The following SNTG2 variants were observed in gnomAD, a reference collection of about 807,000 sequenced individuals.
The protein encoded by SNTG2 is syntrophin gamma 2.
SNTG2 carries 74 observed loss-of-function variants against 70.9 expected under a neutral mutation model. That is an observed-to-expected ratio of 1.04 (90% CI 0.86 to 1.27). The LOEUF (loss-of-function observed/expected upper bound fraction) is 1.27, where lower values mean the gene tolerates loss of function less well. Among genes scored for constraint, SNTG2 ranks in the 50% most tolerant of loss-of-function variants. SNTG2 has a pLI of 0.00. For synonymous variants in SNTG2, 278 were observed against 273.8 expected, an observed-to-expected ratio of 1.02 and a Z score of -0.15; for missense variants, 717 against 690.7, an observed-to-expected ratio of 1.04 and a Z score of -0.43.
intron 4 of SNTG2, among the ~76,000 whole-genome samples, chr2:1,134,803 G>C (rs1364307147): frequency 6.6e-6 from 1 of 152,140 alleles, no homozygotes; most frequent in African/African-American, 2.4e-5. Flanking sequence ...GGCTCCAGCC[G>C]CACAGGAGCC....
chr2:1,139,826 C>CAA (rs139384127), intron 6 of SNTG2, among the ~76,000 whole-genome samples: 4 of 101,028 alleles, frequency 4.0e-5, no homozygotes, highest in African/African-American at 1.2e-4. Flanking sequence ...GACTCCATCT[C>CAA]AAAAAAAAAA....
chr2:1,164,561 AGGTGGGATATG>A (rs1670577333), intron 6 of SNTG2, among the ~76,000 whole-genome samples: 3 of 115,136 alleles, frequency 2.6e-5, no homozygotes, highest in Admixed American at 8.6e-5. Flanking sequence ...GGAGAGGGCG[AGGTGGGATATG>A]CCTGGCCTAG....
At chr2:1,054,616 G>A (rs979964737) in intron 1 of SNTG2, among the ~76,000 whole-genome samples, 4 of 152,096 alleles carry the variant, frequency 2.6e-5, no homozygotes, top group South Asian at 2.1e-4. Flanking sequence ...GTGATTCTGG[G>A]ACCCCCTGGA....
At position 1,174,289 on chromosome 2, in the gene SNTG2, CATAT is replaced by C. The variant is rs10563978; in HGVS notation, c.591+1123_591+1126del. ...TTCTTGATTGAAAAAAAGTTTTATC[CATAT>C]ATATATATATATATATGTAAAATTT... is the stretch of plus-strand genomic sequence containing the variant. On this transcript the variant is annotated intron_variant, in intron 8 of 16. Coordinates refer to ENST00000308624, the MANE Select transcript of SNTG2 (RefSeq NM_018968.4). Among the ~76,000 whole-genome samples, 1,384 of 149,358 alleles carry C rather than the reference CATAT, an allele frequency of 9.3e-3. 16 individuals are homozygous for C. Among genetic ancestry groups the C allele is most frequent in the African/African-American group, 0.031 (1,271 of 40,832 alleles).
chr2:1,087,978 C>T (rs1664787745), intron 2 of SNTG2, among the ~76,000 whole-genome samples: 2 of 152,188 alleles, frequency 1.3e-5, no homozygotes, highest in Admixed American at 1.3e-4. Context: ...TTCATGGCTA[C>T]TTTATCTAAA....
At chr2:1,025,192 T>A (rs962524704) in intron 1 of SNTG2, among the ~76,000 whole-genome samples, 3 of 152,160 alleles carry the variant, frequency 2.0e-5, no homozygotes, top group Admixed American at 2.0e-4. Context: ...GAGTAGTGCT[T>A]GAGCAGGAAG....
chr2:1,349,114 A>G (rs1189387776), intron 16 of SNTG2, among the ~76,000 whole-genome samples: 1 of 152,188 alleles, frequency 6.6e-6, no homozygotes, highest in Non-Finnish European at 1.5e-5. Flanking sequence ...GGGTTAGACA[A>G]TGGGAACTGC....
intron 1 of SNTG2, among the ~76,000 whole-genome samples, chr2:1,070,946 T>A (rs917631963): frequency 2.0e-5 from 3 of 152,204 alleles, no homozygotes; most frequent in Admixed American, 1.3e-4. Context: ...GCGTCCTGCC[T>A]CTATGTGCAT....
intron 11 of SNTG2, among the ~76,000 whole-genome samples, chr2:1,246,783 CAT>C (rs1241800263): frequency 1.3e-5 from 2 of 152,072 alleles, no homozygotes; most frequent in African/African-American, 4.8e-5. Context: ...GTTTTTGAAT[CAT>C]ATTCTGATTT....
chr2:1,185,838 T>C (rs1672211350), intron 8 of SNTG2, among the ~76,000 whole-genome samples: 1 of 152,254 alleles, frequency 6.6e-6, no homozygotes, highest in Non-Finnish European at 1.5e-5. Flanking sequence ...TTGTTTGGGC[T>C]ATTAACATTT....
In SNTG2 at chr2:1,137,822, C is replaced by A. The variant is rs1293285848; in HGVS notation, c.411+13C>A. On this transcript the variant is annotated intron_variant, in intron 6 of 16. Coordinates refer to ENST00000308624, the MANE Select transcript of SNTG2 (RefSeq NM_018968.4). Reference sequence around the variant, plus strand: ...TCATGAAGAAGTGGTAAGTGAATTACATTTTATAGTTATTCTGTTTATTAT... The same window carrying A: ...TCATGAAGAAGTGGTAAGTGAATTAAATTTTATAGTTATTCTGTTTATTAT... 3 of 1,599,590 alleles carry A rather than the reference C, an allele frequency of 1.9e-6. No homozygotes were observed. The highest frequency in any genetic ancestry group is 2.6e-6 in the Non-Finnish European group (3 of 1,168,106).
At chr2:1,125,801 TAGAA>T (rs1667663583) in intron 4 of SNTG2, among the ~76,000 whole-genome samples, 1 of 152,150 alleles carries the variant, frequency 6.6e-6, no homozygotes, top group Non-Finnish European at 1.5e-5. Flanking sequence ...GATATGATGA[TAGAA>T]TGAATGACAG....
At chr2:1,164,572 G>A (rs1194761335) in intron 6 of SNTG2, among the ~76,000 whole-genome samples, 3 of 145,128 alleles carry the variant, frequency 2.1e-5, no homozygotes, top group Middle Eastern at 4.1e-3. Context: ...GGTGGGATAT[G>A]CCTGGCCTAG....
intron 1 of SNTG2, among the ~76,000 whole-genome samples, chr2:1,069,826 A>G (rs181378997): frequency 6.6e-6 from 1 of 152,124 alleles, no homozygotes. Flanking sequence ...AACAAAACAA[A>G]AAAGCAACCC....
Position 1,353,503 on chromosome 2 carries a change from ACCATCTCTTTCAAGTC to A in SNTG2, c.1489-13839_1489-13824del, listed in dbSNP as rs373459833. 4.2e-4 allele frequency among the ~76,000 whole-genome samples: 64 copies of A among 152,282 alleles called. No individual in the cohort carries two copies. The highest frequency in any genetic ancestry group is 3.4e-3 in the Middle Eastern group (1 of 294). On this transcript the variant is annotated intron_variant, in intron 16 of 16. Coordinates refer to ENST00000308624, the MANE Select transcript of SNTG2 (RefSeq NM_018968.4). The surrounding 1 kb of genome is among the most constrained non-coding windows in gnomAD (Gnocchi z 4.2). ...CAGGTATTCATTCATGCATTGAACA[ACCATCTCTTTCAAGTC>A]TTGCTTTGAGGGCCAAGTCCCCACA...
intron 11 of SNTG2, among the ~76,000 whole-genome samples, chr2:1,243,527 G>A (rs1008354897): frequency 5.9e-5 from 9 of 152,226 alleles, no homozygotes; most frequent in African/African-American, 2.2e-4. Flanking sequence ...TTTTAGCCAA[G>A]ATTCAAGAAT....
At chr2:1,073,585 A>G (rs769166654) in intron 1 of SNTG2, among the ~76,000 whole-genome samples, 2 of 152,352 alleles carry the variant, frequency 1.3e-5, no homozygotes, top group Middle Eastern at 3.4e-3. Context: ...CGCAATATCC[A>G]CTTGATTAGG....
chr2:1,309,181 T>A (rs1380173306), intron 15 of SNTG2, among the ~76,000 whole-genome samples: 5 of 152,214 alleles, frequency 3.3e-5, no homozygotes, highest in Admixed American at 2.0e-4. Flanking sequence ...TTAAAAAAAA[T>A]TTCAACAAAT....
At chr2:1,119,779 A>G (rs1455287874) in intron 4 of SNTG2, among the ~76,000 whole-genome samples, 1 of 152,126 alleles carries the variant, frequency 6.6e-6, no homozygotes, top group African/African-American at 2.4e-5. Context: ...ATCTGCAAAC[A>G]ACAAAAAAAA....
Sources: allele counts gnomAD v4.1 joint callset (sites outside exome capture counted in the v4.1 genomes callset), GRCh38; gene constraint gnomAD v4.1.1; non-coding constraint Gnocchi (gnomAD v3.1); transcripts MANE v1.5; gene names NCBI Gene and HGNC (gene_info 2026-07-23, HGNC 2026-07-21).